Variants in NELL1 observed in about 807,000 individuals in gnomAD.
NELL1 encodes the protein protein kinase C-binding protein NELL1.
NELL1 carries 76 observed loss-of-function variants against 107.4 expected under a neutral mutation model. That is an observed-to-expected ratio of 0.71 (90% CI 0.59 to 0.86). NELL1 has a LOEUF of 0.86. Ranked by LOEUF, NELL1 falls within the 40% of genes least tolerant of loss-of-function variation. The pLI is 0.00. For missense variants in NELL1, 1,024 were observed against 1,005.5 expected, an observed-to-expected ratio of 1.02 and a Z score of -0.25; for synonymous variants, 353 against 341.2, an observed-to-expected ratio of 1.03 and a Z score of -0.38.
intron 14 of NELL1, among the ~76,000 whole-genome samples, chr11:21,331,087 A>G (rs962664585): frequency 1.3e-5 from 2 of 151,976 alleles, no homozygotes; most frequent in Non-Finnish European, 2.9e-5. Context: ...CTTATTTTTT[A>G]TTTGATGAGA....
chr11:21,278,493 C>T (rs1385617503), intron 14 of NELL1, among the ~76,000 whole-genome samples: 1 of 152,076 alleles, frequency 6.6e-6, no homozygotes, highest in African/African-American at 2.4e-5. Flanking sequence ...TTTCTGTATA[C>T]TGGCAATGAA....
At chr11:21,209,493 A>G (rs1343626378) in intron 13 of NELL1, among the ~76,000 whole-genome samples, 1 of 151,894 alleles carries the variant, frequency 6.6e-6, no homozygotes, top group South Asian at 2.1e-4. Context: ...TTGTCTAAGT[A>G]TAACTTTTGA....
intron 12 of NELL1, among the ~76,000 whole-genome samples, chr11:21,036,962 T>C (rs1432368426): frequency 6.6e-6 from 1 of 152,114 alleles, no homozygotes; most frequent in Non-Finnish European, 1.5e-5. Context: ...ATGTTCTACT[T>C]ACTTTCACTC....
chr11:21,391,946 C>T (rs1277774534), intron 15 of NELL1, among the ~76,000 whole-genome samples: 1 of 151,796 alleles, frequency 6.6e-6, no homozygotes, highest in African/African-American at 2.4e-5. Context: ...TTGAACCATT[C>T]AGATCTTGTA....
intron 13 of NELL1, among the ~76,000 whole-genome samples, chr11:21,164,904 TCA>T (rs1430933477): frequency 1.3e-5 from 2 of 152,216 alleles, no homozygotes; most frequent in Non-Finnish European, 2.9e-5. Flanking sequence ...TAAATATTCT[TCA>T]CCAGTATCTT....
chr11:20,880,467 A>T (rs1379920620), intron 4 of NELL1, among the ~76,000 whole-genome samples: 1 of 152,244 alleles, frequency 6.6e-6, no homozygotes, highest in Non-Finnish European at 1.5e-5. Flanking sequence ...TGAAATACAG[A>T]GAAATTAAAT....
chr11:20,989,759 G>A (rs530613058), intron 12 of NELL1, among the ~76,000 whole-genome samples: 71 of 152,206 alleles, frequency 4.7e-4, no homozygotes, highest in African/African-American at 1.6e-3. Flanking sequence ...TTGGGAGGCC[G>A]AGGTGGGTGG....
intron 15 of NELL1, among the ~76,000 whole-genome samples, chr11:21,517,341 C>T (rs189040276): frequency 1.1e-3 from 168 of 152,196 alleles, no homozygotes; most frequent in African/African-American, 3.9e-3. Flanking sequence ...TAAAACCAAC[C>T]TTGTAACCAA....
chr11:21,485,521 G>C (rs770632380), intron 15 of NELL1, among the ~76,000 whole-genome samples: 7 of 151,954 alleles, frequency 4.6e-5, no homozygotes, highest in Non-Finnish European at 7.4e-5. Flanking sequence ...GAAGGGAGAA[G>C]GGAAGCTAGG....
intron 13 of NELL1, among the ~76,000 whole-genome samples, chr11:21,167,744 G>A (rs950595250): frequency 1.3e-5 from 2 of 151,700 alleles, no homozygotes; most frequent in Admixed American, 6.6e-5. Flanking sequence ...GCTCTTTCTT[G>A]ATTCAGGCCA....
chr11:20,693,248 A>T (rs980550567), intron 2 of NELL1, among the ~76,000 whole-genome samples: 3 of 152,058 alleles, frequency 2.0e-5, no homozygotes, highest in Admixed American at 2.0e-4. Context: ...CCAACTTGCC[A>T]GTCTGTGTCT....
chr11:21,151,840 A>G (rs1856124760), intron 13 of NELL1, among the ~76,000 whole-genome samples: 1 of 152,220 alleles, frequency 6.6e-6, no homozygotes, highest in South Asian at 2.1e-4. Flanking sequence ...AATAGCCCCA[A>G]GCATTCACTC....
chr11:21,502,657 C>A (rs1034139177), intron 15 of NELL1, among the ~76,000 whole-genome samples: 25 of 152,080 alleles, frequency 1.6e-4, no homozygotes, highest in African/African-American at 6.0e-4. Flanking sequence ...CTACTACCTG[C>A]CTTTCAGACA....
chr11:21,147,260 T>C (rs1856002480), intron 13 of NELL1, among the ~76,000 whole-genome samples: 1 of 152,202 alleles, frequency 6.6e-6, no homozygotes, highest in Admixed American at 6.5e-5. Flanking sequence ...CAGATTTATT[T>C]GCTGAGAGTT....
intron 15 of NELL1, among the ~76,000 whole-genome samples, chr11:21,371,248 T>C (rs1851353396): frequency 1.3e-5 from 2 of 152,140 alleles, no homozygotes; most frequent in South Asian, 2.1e-4. Context: ...TGAACTGACC[T>C]GCCTCACTTA....
intron 15 of NELL1, among the ~76,000 whole-genome samples, chr11:21,397,123 A>G (rs939712127): frequency 1.3e-5 from 2 of 151,702 alleles, no homozygotes; most frequent in Admixed American, 6.6e-5. Flanking sequence ...TTTCTTTACA[A>G]AAAGTTCTCT....
At chr11:21,374,306 TGGGCCA>T (rs1354010003) in intron 15 of NELL1, among the ~76,000 whole-genome samples, 1 of 152,126 alleles carries the variant, frequency 6.6e-6, no homozygotes, top group Non-Finnish European at 1.5e-5. Context: ...AGATGTTGAC[TGGGCCA>T]GTGATTGTCT....
intron 12 of NELL1, among the ~76,000 whole-genome samples, chr11:21,097,633 A>G (rs1168577669): frequency 6.6e-6 from 1 of 152,178 alleles, no homozygotes; most frequent in Non-Finnish European, 1.5e-5. Context: ...GTTATTGATT[A>G]GAGCTGACGG....
At chr11:20,847,160 C>CCAA (rs1183690647) in intron 3 of NELL1, among the ~76,000 whole-genome samples, 1 of 152,108 alleles carries the variant, frequency 6.6e-6, no homozygotes, top group East Asian at 1.9e-4. Context: ...TCCCTGATGT[C>CCAA]CAACATGACT....
Sources: gnomAD v4.1 joint callset for allele counts (sites outside exome capture counted in the v4.1 genomes callset) on GRCh38, gnomAD v4.1.1 for gene constraint, MANE v1.5 for transcripts, NCBI Gene and HGNC (gene_info 2026-07-23, HGNC 2026-07-21) for gene names.